The following PTPN2 variants were observed in gnomAD, a reference collection of about 807,000 sequenced individuals.
PTPN2 encodes the protein tyrosine-protein phosphatase non-receptor type 2.
PTPN2 carries 19 observed loss-of-function variants against 57.3 expected under a neutral mutation model. That is an observed-to-expected ratio of 0.33 (90% CI 0.23 to 0.49). The LOEUF is 0.49. Among genes scored for constraint, PTPN2 ranks in the 20% least tolerant of loss-of-function variants. The pLI is 0.99. For missense variants in PTPN2, 358 were observed against 501.1 expected (o/e 0.71, Z 2.73); for synonymous variants, 153 against 164.9 (o/e 0.93, Z 0.55).
intron 6 of PTPN2, among the ~76,000 whole-genome samples, chr18:12,815,548 C>A (rs965019328): frequency 5.3e-5 from 8 of 152,112 alleles, no homozygotes; most frequent in African/African-American, 1.7e-4. Context: ...GTGTTAGAAT[C>A]CCCACACCCA....
chr18:12,844,498 G>A (rs2043151503), intron 2 of PTPN2, among the ~76,000 whole-genome samples: 1 of 152,140 alleles, frequency 6.6e-6, no homozygotes, highest in African/African-American at 2.4e-5. Context: ...CCACCACCAT[G>A]ATTTTAATTT....
At chr18:12,799,224 C>T (rs1201778511) in intron 8 of PTPN2, among the ~76,000 whole-genome samples, 2 of 152,054 alleles carry the variant, frequency 1.3e-5, no homozygotes, top group Middle Eastern at 3.2e-3. Context: ...CGAGACCAGC[C>T]TGGCCAACAT....
chr18:12,802,418 A>C (rs2041465923), intron 7 of PTPN2, among the ~76,000 whole-genome samples: 1 of 152,180 alleles, frequency 6.6e-6, no homozygotes, highest in African/African-American at 2.4e-5. Context: ...AATCTTGTGG[A>C]CTTTTACCTA....
chr18:12,864,717 T>C (rs1274154162), intron 1 of PTPN2, among the ~76,000 whole-genome samples: 1 of 152,168 alleles, frequency 6.6e-6, no homozygotes, highest in African/African-American at 2.4e-5. Flanking sequence ...CTACTTTCAA[T>C]GTGTTTACTT....
intron 8 of PTPN2, among the ~76,000 whole-genome samples, chr18:12,800,867 G>C (rs1259333935): frequency 6.6e-6 from 1 of 152,180 alleles, no homozygotes; most frequent in Non-Finnish European, 1.5e-5. Context: ...ATCTGTGAGA[G>C]ACAGTCTTAG....
chr18:12,808,947 T>C (rs1342158115), intron 7 of PTPN2, among the ~76,000 whole-genome samples: 2 of 152,242 alleles, frequency 1.3e-5, no homozygotes, highest in African/African-American at 4.8e-5. Context: ...ACAGTGGTGC[T>C]TGAATGTGAT....
rs2044783495 is a variant in PTPN2 at position 12,884,194 on chromosome 18, G to A, written c.-53C>T. ...GAGCCTGCGCCGGCGGAGAGGCTCAGGCCCCGCACGATCCGGGGAGAGCGC... is the reference window on the plus strand; with the variant it reads ...GAGCCTGCGCCGGCGGAGAGGCTCAAGCCCCGCACGATCCGGGGAGAGCGC... On this transcript the variant is annotated 5_prime_UTR_variant, in exon 1 of 9. Transcript: ENST00000309660. The A allele has an allele frequency of 4.2e-6, 6 of 1,444,388 alleles. No homozygotes were observed. The highest frequency in any genetic ancestry group is 2.0e-4 in the Middle Eastern group (1 of 4,896). The allele number at this position is 1,444,388 out of a possible 1,614,324, so 89.5% of individuals were successfully genotyped here. A position where few individuals can be genotyped will look rare whatever the true frequency, so the allele number is the denominator to read the frequency against.
chr18:12,805,037 C>T (rs1250942150), intron 7 of PTPN2, among the ~76,000 whole-genome samples: 1 of 152,194 alleles, frequency 6.6e-6, no homozygotes, highest in Non-Finnish European at 1.5e-5. Flanking sequence ...AAGTGGGATT[C>T]ATCCAAGGGA....
intron 1 of PTPN2, among the ~76,000 whole-genome samples, chr18:12,873,238 GCCTCTC>G (rs1185357765): frequency 7.0e-6 from 1 of 142,066 alleles, no homozygotes; most frequent in Non-Finnish European, 1.5e-5. Flanking sequence ...AAAAAAAAAA[GCCTCTC>G]CCTCTCCCTC....
intron 8 of PTPN2, among the ~76,000 whole-genome samples, chr18:12,795,386 C>T (rs1021836094): frequency 7.2e-5 from 11 of 152,140 alleles, no homozygotes; most frequent in Non-Finnish European, 1.0e-4. Context: ...CCCCGCCTTC[C>T]GGGTTCAAGC....
chr18:12,846,168 A>G lies in PTPN2; in HGVS notation c.161-9277T>C, dbSNP rs190034738. ...TTATCGGGTGGTTCAGGATTCTGAC[A>G]TGGTATATCTCATGACTGGTCATGA... On this transcript the variant is annotated intron_variant, in intron 2 of 8. Transcript: ENST00000309660. Among the ~76,000 whole-genome samples the G allele has an allele frequency of 3.4e-3, 518 of 152,316 alleles. 6 individuals carry two copies. The highest frequency in any genetic ancestry group is 5.4e-3 in the Non-Finnish European group (364 of 68,020).
At chr18:12,816,626 G>T (rs1034336277) in intron 6 of PTPN2, among the ~76,000 whole-genome samples, 1 of 152,182 alleles carries the variant, frequency 6.6e-6, no homozygotes, top group Non-Finnish European at 1.5e-5. Context: ...GACTGGTGGA[G>T]AAAGAATTAG....
intron 1 of PTPN2, among the ~76,000 whole-genome samples, chr18:12,867,499 C>CAGAT (rs2044034059): frequency 6.6e-6 from 1 of 151,866 alleles, no homozygotes; most frequent in African/African-American, 2.4e-5. Flanking sequence ...CTTACTCTTT[C>CAGAT]AGATGTACCT....
chr18:12,867,454 T>C (rs111752309), intron 1 of PTPN2, among the ~76,000 whole-genome samples: 57 of 152,352 alleles, frequency 3.7e-4, no homozygotes, highest in African/African-American at 1.4e-3. Flanking sequence ...ACTTTTTTTT[T>C]TGTCCTCAGA....
chr18:12,838,486 C>T (rs556941320), intron 2 of PTPN2, among the ~76,000 whole-genome samples: 5 of 152,316 alleles, frequency 3.3e-5, no homozygotes, highest in Admixed American at 2.0e-4. Context: ...AAAATATGCA[C>T]GAGGTGTTAC....
chr18:12,868,234 T>C (rs77787844), intron 1 of PTPN2, among the ~76,000 whole-genome samples: 1 of 152,162 alleles, frequency 6.6e-6, no homozygotes, highest in African/African-American at 2.4e-5. Context: ...TTGTCATAGT[T>C]GTTGTTTTTT....
At chr18:12,861,683 C>T (rs1422398732) in intron 1 of PTPN2, among the ~76,000 whole-genome samples, 3 of 152,136 alleles carry the variant, frequency 2.0e-5, no homozygotes, top group Non-Finnish European at 4.4e-5. Context: ...ACAACAAAAA[C>T]CTATTGACCA....
At chr18:12,833,653 A>G (rs1007060085) in intron 3 of PTPN2, among the ~76,000 whole-genome samples, 1 of 152,172 alleles carries the variant, frequency 6.6e-6, no homozygotes, top group African/African-American at 2.4e-5. Context: ...GTGAGGTAGA[A>G]GTGGAGGGAT....
Position 12,871,998 on chromosome 18 carries a change from A to C in PTPN2, c.69+12075T>G, listed in dbSNP as rs184675339. The stretch of plus-strand genomic sequence containing the variant: ...AGCATGCAGAGGTTGCAGTAAGCCG[A>C]GATCGTGCCGTAGCATTCCAGCCTG... On this transcript the variant is annotated intron_variant, in intron 1 of 8. Coordinates refer to ENST00000309660, the MANE Select transcript of PTPN2 (RefSeq NM_002828.4). Among the ~76,000 whole-genome samples, 72 of 152,086 alleles carry C rather than the reference A, an allele frequency of 4.7e-4. No individual in the cohort carries two copies. The East Asian group carries it at 0.014, about 29-fold the overall frequency.
Sources: gnomAD v4.1 joint callset for allele counts (sites outside exome capture counted in the v4.1 genomes callset) on GRCh38, gnomAD v4.1.1 for gene constraint, MANE v1.5 for transcripts, NCBI Gene and HGNC (gene_info 2026-07-23, HGNC 2026-07-21) for gene names.